Variants in MCF2L2 observed in about 807,000 individuals in gnomAD.
MCF2L2 encodes the protein probable guanine nucleotide exchange factor MCF2L2.
In MCF2L2, 102 loss-of-function variants were observed where a neutral mutation model predicts 150.2. The ratio of observed to expected loss-of-function variants is 0.68; its 90% CI spans 0.58 to 0.80. The LOEUF is 0.80. Ranked by LOEUF, MCF2L2 falls within the 30% of genes least tolerant of loss-of-function variation. The pLI is 0.00. For missense variants in MCF2L2, 1,256 were observed against 1,372.8 expected (o/e 0.91, Z 1.34); for synonymous variants, 465 against 491.3 (o/e 0.95, Z 0.71).
chr3:183,200,182 A>T (rs1722227235), intron 25 of MCF2L2, among the ~76,000 whole-genome samples: 1 of 152,174 alleles, frequency 6.6e-6, no homozygotes, highest in African/African-American at 2.4e-5. Flanking sequence ...GTAGTTCTAG[A>T]TCTTTGAGGA....
Position 183,227,956 on chromosome 3 carries a change from G to T in MCF2L2, c.2115+341C>A, listed in dbSNP as rs575673054. ...GACCAACATCTCCCTACTTCCTCTA[G>T]ACTCCAGCCCCTGGCAACCACCCTT... On this transcript the variant is annotated intron_variant, in intron 18 of 29. Transcript: ENST00000328913. The surrounding 1 kb of genome is among the most constrained non-coding windows in gnomAD (Gnocchi z 4.0). 2.6e-4 allele frequency: 50 copies of T among 194,108 alleles called. No homozygotes were observed. Among genetic ancestry groups the T allele is most frequent in the Non-Finnish European group, 5.1e-4 (48 of 94,106 alleles). The allele number at this position is 194,108 out of a possible 1,614,324, so 12.0% of individuals were successfully genotyped here.
At chr3:183,297,249 T>C (rs532077049) in intron 11 of MCF2L2, 82 bp from the exon 12 acceptor site, 16 of 1,213,712 alleles carry the variant, frequency 1.3e-5, no homozygotes, top group Admixed American at 3.9e-5. Flanking sequence ...TCTGAGCTTG[T>C]AAGGTGTCTA....
chr3:183,195,446 C>T (rs1722050171), intron 25 of MCF2L2, among the ~76,000 whole-genome samples, 191 bp from the exon 26 acceptor site: 1 of 152,110 alleles, frequency 6.6e-6, no homozygotes, highest in African/African-American at 2.4e-5. Context: ...CTCACGTGGT[C>T]CTGGCATCCT....
chr3:183,301,131 A>G (rs1446498527), intron 10 of MCF2L2, among the ~76,000 whole-genome samples: 3 of 151,784 alleles, frequency 2.0e-5, no homozygotes, highest in Admixed American at 6.6e-5. Context: ...CTCTTTCTGC[A>G]TGACACTTCG....
intron 3 of MCF2L2, among the ~76,000 whole-genome samples, chr3:183,361,458 CAGTT>C (rs1712198920): frequency 6.6e-6 from 1 of 152,066 alleles, no homozygotes; most frequent in Admixed American, 6.6e-5. Context: ...GTTCTCATGA[CAGTT>C]AGTGAGTTCT....
In MCF2L2 at chr3:183,283,083, C is replaced by G. The variant is rs1286834467; in HGVS notation, c.1776+6037G>C. Among the ~76,000 whole-genome samples, 1 of 152,228 alleles carries G rather than the reference C, an allele frequency of 6.6e-6. No homozygotes were observed. Among genetic ancestry groups the G allele is most frequent in the Admixed American group, 6.5e-5 (1 of 15,290 alleles). ...CGTCAAAACTATCTTTGGTATCATG[C>G]TTCCTCCCCCTACCTTCTCTGCCTT... is the stretch of plus-strand genomic sequence containing the variant. On this transcript the variant is annotated intron_variant, in intron 14 of 29. Coordinates refer to ENST00000328913, the MANE Select transcript of MCF2L2 (RefSeq NM_015078.4). This position sits in a 1 kb window ranked among gnomAD's most constrained non-coding sequence, Gnocchi z 4.2.
At chr3:183,255,158 C>G (rs1413711029) in intron 15 of MCF2L2, among the ~76,000 whole-genome samples, 1 of 152,082 alleles carries the variant, frequency 6.6e-6, no homozygotes, top group East Asian at 1.9e-4. Flanking sequence ...CTTGCCTGTT[C>G]CCTGTGGGGG....
At chr3:183,198,656 TA>T (rs1317922830) in intron 25 of MCF2L2, among the ~76,000 whole-genome samples, 2 of 152,168 alleles carry the variant, frequency 1.3e-5, no homozygotes, top group Non-Finnish European at 2.9e-5. Flanking sequence ...CTTAATAAGC[TA>T]AAATGTATGT....
chr3:183,363,363 A>C (rs1269149353), intron 3 of MCF2L2, among the ~76,000 whole-genome samples: 1 of 152,194 alleles, frequency 6.6e-6, no homozygotes, highest in African/African-American at 2.4e-5. Flanking sequence ...AAAAACCTGC[A>C]CACAGATGTT....
At chr3:183,328,521 A>C (rs61378305) in intron 5 of MCF2L2, among the ~76,000 whole-genome samples, 1 of 142,910 alleles carries the variant, frequency 7.0e-6, no homozygotes, top group African/African-American at 2.6e-5. Context: ...GCTTGGTGTG[A>C]AAAAAAAAAA....
At chr3:183,211,332 G>C (rs1722714759) in intron 22 of MCF2L2, among the ~76,000 whole-genome samples, 1 of 152,172 alleles carries the variant, frequency 6.6e-6, no homozygotes, top group Admixed American at 6.5e-5. Flanking sequence ...CAGCTTTCCA[G>C]TAAGCCCATT....
chr3:183,403,181 A>G (rs966473513), intron 1 of MCF2L2, among the ~76,000 whole-genome samples: 25 of 152,172 alleles, frequency 1.6e-4, no homozygotes, highest in African/African-American at 6.0e-4. Flanking sequence ...CTGAGGCAGG[A>G]GAATCACCTG....
chr3:183,418,773 C>G (rs1577141048), intron 1 of MCF2L2, among the ~76,000 whole-genome samples: 1 of 152,276 alleles, frequency 6.6e-6, no homozygotes, highest in East Asian at 1.9e-4. Context: ...TTGGGCATCT[C>G]TGCCCCTGTG....
chr3:183,187,313 T>G (rs1186602502), intron 27 of MCF2L2, among the ~76,000 whole-genome samples: 2 of 152,206 alleles, frequency 1.3e-5, no homozygotes, highest in East Asian at 3.8e-4. Context: ...TCTTCCTCTG[T>G]TAGCTCTGAG....
At chr3:183,412,919 G>GT (rs1157396805) in intron 1 of MCF2L2, among the ~76,000 whole-genome samples, 6 of 152,120 alleles carry the variant, frequency 3.9e-5, no homozygotes, top group Non-Finnish European at 7.4e-5. Context: ...AGAAGTGTTT[G>GT]TTTTTTATCA....
chr3:183,300,251 A>T, intron 10 of MCF2L2, 55 bp from the exon 11 acceptor site: 1 of 1,485,584 alleles, frequency 6.7e-7, no homozygotes, highest in Non-Finnish European at 9.1e-7. Flanking sequence ...CATGAGGCTG[A>T]GAGCTGCCTG....
At chr3:183,408,958 G>A (rs1178756398) in intron 1 of MCF2L2, among the ~76,000 whole-genome samples, 1 of 152,206 alleles carries the variant, frequency 6.6e-6, no homozygotes, top group Non-Finnish European at 1.5e-5. Context: ...ATGATAATGG[G>A]AGGTTATAAC....
At chr3:183,391,513 G>C (rs1016183823) in intron 1 of MCF2L2, among the ~76,000 whole-genome samples, 8 of 152,188 alleles carry the variant, frequency 5.3e-5, no homozygotes, top group Non-Finnish European at 1.2e-4. Context: ...TTCTCTGTTA[G>C]AAACACAAAT....
intron 5 of MCF2L2, among the ~76,000 whole-genome samples, chr3:183,335,012 GGAA>G (rs1194504117): frequency 6.6e-6 from 1 of 151,712 alleles, no homozygotes; most frequent in African/African-American, 2.4e-5. Flanking sequence ...CAGCTACTCA[GGAA>G]TCTGAGGTGG....
Sources: allele counts gnomAD v4.1 joint callset (sites outside exome capture counted in the v4.1 genomes callset), GRCh38; gene constraint gnomAD v4.1.1; non-coding constraint Gnocchi (gnomAD v3.1); transcripts MANE v1.5; gene names NCBI Gene and HGNC (gene_info 2026-07-23, HGNC 2026-07-21).